SLC26A5: variants seen among roughly 807,000 people sequenced by gnomAD.
SLC26A5 encodes solute carrier family 26 member 5, also known as prestin.
SLC26A5 carries 51 observed loss-of-function variants against 81.0 expected under a neutral mutation model. The ratio of observed to expected loss-of-function variants is 0.63; its 90% CI spans 0.50 to 0.80. The LOEUF is 0.80. Ranked by LOEUF, SLC26A5 falls within the 30% of genes least tolerant of loss-of-function variation. SLC26A5 has a pLI of 0.00. For missense variants in SLC26A5, 771 were observed against 905.8 expected, an observed-to-expected ratio of 0.85 and a Z score of 1.91; for synonymous variants, 325 against 332.8, an observed-to-expected ratio of 0.98 and a Z score of 0.25.
intron 19 of SLC26A5, chr7:103,362,609 G>A: frequency 1.4e-6 from 2 of 1,472,068 alleles, no homozygotes; most frequent in South Asian, 1.2e-5. Flanking sequence ...GTATGGTTTT[G>A]GGGATAAAGG....
intron 7 of SLC26A5, among the ~76,000 whole-genome samples, chr7:103,408,729 T>C (rs1333968724): frequency 6.6e-6 from 1 of 152,210 alleles, no homozygotes; most frequent in Non-Finnish European, 1.5e-5. Context: ...AGCAGGACTT[T>C]GAAGTCAAGA....
chr7:103,364,504 G>T (rs542030802), intron 19 of SLC26A5, among the ~76,000 whole-genome samples: 1 of 152,190 alleles, frequency 6.6e-6, no homozygotes, highest in East Asian at 1.9e-4. Flanking sequence ...TACCTCTCTG[G>T]GCTTAGGCGA....
At chr7:103,387,693 T>A (rs1287022425) in intron 14 of SLC26A5, among the ~76,000 whole-genome samples, 1 of 152,152 alleles carries the variant, frequency 6.6e-6, no homozygotes, top group Non-Finnish European at 1.5e-5. Context: ...TTTTAAAAAA[T>A]TTTTTGAGAT....
intron 19 of SLC26A5, chr7:103,362,727 C>T (rs1356678980): frequency 3.7e-6 from 6 of 1,605,970 alleles, no homozygotes; most frequent in Non-Finnish European, 8.5e-7. Context: ...CCATTGCCTC[C>T]TAAGATTGAC....
At position 103,421,484 on chromosome 7, in the gene SLC26A5, C is replaced by G. The variant is rs754110114; in HGVS notation, c.31G>C (p.Ala11Pro). Residue 11 changes from alanine (A) to proline (P), a missense_variant, in exon 3 of 20, where the codon GCA becomes CCA. Transcript: ENST00000306312. ...TCCACATAGTACCTCTGGGTTGCTG[C>G]AAGGATTTCATTTTCTTCAGCATGA... MDHAEENEIL[A>P]ATQRYYVERP... 6.2e-7 allele frequency: 1 copy of G among 1,614,042 alleles called. No individual in the cohort carries two copies. Among genetic ancestry groups the G allele is most frequent in the Non-Finnish European group, 8.5e-7 (1 of 1,179,956 alleles).
Position 103,420,723 on chromosome 7 carries a change from G to A in SLC26A5, c.292+15C>T. On this transcript the variant is annotated intron_variant, in intron 4 of 19. Coordinates refer to ENST00000306312, the MANE Select transcript of SLC26A5 (RefSeq NM_198999.3). Reference sequence around the variant, plus strand: ...TGAGGACAGCAAGGGGGGAAAGAAAGAAAGATCTACTGACCTTGAGGAAGC... The same window carrying A: ...TGAGGACAGCAAGGGGGGAAAGAAAAAAAGATCTACTGACCTTGAGGAAGC... 1 of 1,613,816 alleles carries A rather than the reference G, an allele frequency of 6.2e-7. No homozygotes were observed. The highest frequency in any genetic ancestry group is 8.5e-7 in the Non-Finnish European group (1 of 1,179,946).
Position 103,435,628 on chromosome 7 carries a change from T to C in SLC26A5, c.-54+7455A>G, listed in dbSNP as rs139517968. Among the ~76,000 whole-genome samples the C allele has an allele frequency of 6.6e-4, 101 of 152,328 alleles. No homozygotes were observed. The East Asian group carries it at 0.017, about 26-fold the overall frequency. Reference sequence around the variant, plus strand: ...GATTTACTCTATGGTGCCAATACTCTAGAGAAGCCCTACTTCACTATAACT... The same window carrying C: ...GATTTACTCTATGGTGCCAATACTCCAGAGAAGCCCTACTTCACTATAACT... On this transcript the variant is annotated intron_variant, in intron 2 of 19. Transcript: ENST00000306312.
In SLC26A5 at chr7:103,354,471, C is replaced by A. The variant is rs148237238; in HGVS notation, c.2042-1545G>T. On this transcript the variant is annotated intron_variant, in intron 19 of 19. Coordinates refer to the SLC26A5 transcript ENST00000339444. ...GCAACCTCCGCCTCCTGGGTTCAAGCGATTCTCCTGCCTCAGCCTCCTGAG... is the reference window on the plus strand; with the variant it reads ...GCAACCTCCGCCTCCTGGGTTCAAGAGATTCTCCTGCCTCAGCCTCCTGAG... Among the ~76,000 whole-genome samples the A allele has an allele frequency of 1.8e-3, 277 of 150,896 alleles. 9 individuals are homozygous for A. In the East Asian group the frequency reaches 0.052, roughly 28 times the overall value.
intron 19 of SLC26A5, among the ~76,000 whole-genome samples, chr7:103,365,333 T>TA (rs34723912): frequency 6.6e-6 from 1 of 152,028 alleles, no homozygotes; most frequent in Non-Finnish European, 1.5e-5. Context: ...CAGTCTTTTT[T>TA]AAAAAAAGTT....
intron 8 of SLC26A5, among the ~76,000 whole-genome samples, chr7:103,404,763 T>G (rs1823892237): frequency 6.6e-6 from 1 of 152,198 alleles, no homozygotes; most frequent in African/African-American, 2.4e-5. Context: ...CTGGATAATG[T>G]CCTGAAGAGT....
chr7:103,437,456 A>G (rs1826534008), intron 2 of SLC26A5, among the ~76,000 whole-genome samples: 1 of 152,234 alleles, frequency 6.6e-6, no homozygotes, highest in Admixed American at 6.5e-5. Flanking sequence ...AGTTGAAATC[A>G]ATACGTCAAA....
At chr7:103,364,193 C>G (rs1045617774) in intron 19 of SLC26A5, 1 of 1,614,164 alleles carries the variant, frequency 6.2e-7, no homozygotes, top group Non-Finnish European at 8.5e-7. Flanking sequence ...GCGTGCTGCT[C>G]TTTGGTCCAC....
intron 2 of SLC26A5, among the ~76,000 whole-genome samples, chr7:103,422,472 TA>T (rs1488033826): frequency 2.0e-5 from 3 of 151,228 alleles, no homozygotes; most frequent in Non-Finnish European, 4.4e-5. Flanking sequence ...ATTTAAAGTT[TA>T]AAAACATAAA....
At chr7:103,403,248 T>A (rs899701466) in intron 8 of SLC26A5, among the ~76,000 whole-genome samples, 1 of 152,248 alleles carries the variant, frequency 6.6e-6, no homozygotes, top group Non-Finnish European at 1.5e-5. Context: ...CTGTTTGTTA[T>A]GATTTCCATT....
At chr7:103,438,315 T>C (rs898180042) in intron 2 of SLC26A5, among the ~76,000 whole-genome samples, 6 of 152,228 alleles carry the variant, frequency 3.9e-5, no homozygotes, top group South Asian at 4.1e-4. Flanking sequence ...CCCATAAATA[T>C]ATAAAATTAT....
intron 4 of SLC26A5, among the ~76,000 whole-genome samples, chr7:103,413,339 T>C (rs1244285991): frequency 6.6e-6 from 1 of 152,214 alleles, no homozygotes; most frequent in Non-Finnish European, 1.5e-5. Flanking sequence ...GTGATTTTTT[T>C]TTCTGCTTTA....
chr7:103,404,837 T>G (rs1408928297), intron 8 of SLC26A5, among the ~76,000 whole-genome samples: 1 of 152,156 alleles, frequency 6.6e-6, no homozygotes, highest in East Asian at 1.9e-4. Context: ...GTAGGTTTGG[T>G]CTTTTCACAC....
At chr7:103,396,625 T>G (rs1450865982) in intron 9 of SLC26A5, among the ~76,000 whole-genome samples, 1 of 152,018 alleles carries the variant, frequency 6.6e-6, no homozygotes, top group African/African-American at 2.4e-5. Flanking sequence ...TCTAGAGAAG[T>G]CAAATTCATA....
chr7:103,392,881 C>T, intron 10 of SLC26A5, 38 bp downstream of exon 10: 5 of 1,612,970 alleles, frequency 3.1e-6, no homozygotes, highest in Non-Finnish European at 3.4e-6. Context: ...GGTGATTGTA[C>T]TGCTATGAAA....
Sources: allele counts gnomAD v4.1 joint callset (sites outside exome capture counted in the v4.1 genomes callset), GRCh38; gene constraint gnomAD v4.1.1; transcripts MANE v1.5; gene names NCBI Gene and HGNC (gene_info 2026-07-23, HGNC 2026-07-21).